ACVR2A: variants seen among roughly 807,000 people sequenced by gnomAD.
ACVR2A encodes activin receptor type-2A.
A neutral mutation model predicts 61.4 loss-of-function variants in ACVR2A; 7 were observed. That is an observed-to-expected ratio of 0.11 (90% CI 0.06 to 0.21). The LOEUF (loss-of-function observed/expected upper bound fraction) is 0.21, where lower values mean the gene tolerates loss of function less well. Ranked by LOEUF, ACVR2A falls within the 10% of genes least tolerant of loss-of-function variation. ACVR2A has a pLI of 1.00. For synonymous variants in ACVR2A, 193 were observed against 208.3 expected (o/e 0.93, Z 0.63); for missense variants, 322 against 621.7 (o/e 0.52, Z 5.13).
intron 1 of ACVR2A, among the ~76,000 whole-genome samples, chr2:147,862,894 C>T (rs1685763149): frequency 6.6e-6 from 1 of 152,140 alleles, no homozygotes. Flanking sequence ...TTATGTATAA[C>T]AATAGTATTG....
chr2:147,865,814 A>T (rs1182294419), intron 1 of ACVR2A, among the ~76,000 whole-genome samples: 2 of 152,342 alleles, frequency 1.3e-5, no homozygotes, highest in African/African-American at 4.8e-5. Flanking sequence ...AATGATTAGT[A>T]AACTAGCATT....
intron 4 of ACVR2A, among the ~76,000 whole-genome samples, chr2:147,913,704 C>T (rs551279944): frequency 6.6e-6 from 1 of 151,046 alleles, no homozygotes; most frequent in African/African-American, 2.4e-5. Context: ...CACTGAGAAT[C>T]ACACTTGAGA....
chr2:147,918,656 CT>C, intron 7 of ACVR2A, 64 bp downstream of exon 7: 1 of 1,408,990 alleles, frequency 7.1e-7, no homozygotes, highest in South Asian at 1.6e-5. Context: ...TTTTAAGCCC[CT>C]GGGTAAATTT....
At chr2:147,918,082 G>A (rs1274769629) in intron 6 of ACVR2A, among the ~76,000 whole-genome samples, 1 of 151,096 alleles carries the variant, frequency 6.6e-6, no homozygotes, top group Non-Finnish European at 1.5e-5. Flanking sequence ...TTTGTGTTCT[G>A]CTAGTCCCAT....
At chr2:147,885,511 T>G (rs1447275658) in intron 1 of ACVR2A, among the ~76,000 whole-genome samples, 3 of 152,176 alleles carry the variant, frequency 2.0e-5, no homozygotes, top group East Asian at 1.9e-4. Context: ...TTAAAAGAGA[T>G]ATGTAAGCAG....
chr2:147,849,606 A>T (rs1685399442), intron 1 of ACVR2A, among the ~76,000 whole-genome samples: 2 of 152,340 alleles, frequency 1.3e-5, no homozygotes, highest in Non-Finnish European at 2.9e-5. Context: ...AATTAATAAA[A>T]TGCTTACCTT....
At position 147,917,436 on chromosome 2, in the gene ACVR2A, C is replaced by G; in HGVS notation, c.816+10C>G. The G allele has an allele frequency of 1.2e-6, 2 of 1,610,244 alleles. No homozygotes were observed. Among genetic ancestry groups the G allele is most frequent in the South Asian group, 2.2e-5 (2 of 90,524 alleles). ...AGCATTTCATGAAAAGGTAAAACTA[C>G]TTAACGTTTTACTTTAGTAAAGTCT... On this transcript the variant is annotated intron_variant, in intron 6 of 10. Transcript: ENST00000241416.
intron 5 of ACVR2A, among the ~76,000 whole-genome samples, chr2:147,916,994 C>T (rs541957004): frequency 6.6e-5 from 10 of 151,988 alleles, no homozygotes; most frequent in East Asian, 1.9e-4. Flanking sequence ...CAGTAACTTA[C>T]GTGTTGCCAT....
In ACVR2A at chr2:147,922,892, G is replaced by A. The variant is rs1216603792; in HGVS notation, c.1078-81G>A. 11 of 1,476,518 alleles carry A rather than the reference G, an allele frequency of 7.4e-6. No individual in the cohort carries two copies. The East Asian group carries it at 9.1e-5, about 12-fold the overall frequency. 91.5% of individuals were successfully genotyped at this position (1,476,518 alleles called of 1,614,324 possible). A position where few individuals can be genotyped will look rare whatever the true frequency, so the allele number is the denominator to read the frequency against. On this transcript the variant is annotated intron_variant, in intron 8 of 10. Coordinates refer to ENST00000241416, the MANE Select transcript of ACVR2A (RefSeq NM_001616.5). ...TTACCCTGGTAATAGACCACATTTG[G>A]TTTTGATTCATCTTACAAAATCATA...
At chr2:147,844,864 C>T (rs1357496306), upstream of ACVR2A, 3 of 346,516 alleles carry the variant, frequency 8.7e-6, no homozygotes, top group Non-Finnish European at 1.5e-5. Flanking sequence ...TGATTTAAAC[C>T]CGCTTTTGTT....
intron 7 of ACVR2A, 52 bp from the exon 8 acceptor site, chr2:147,920,178 T>A: frequency 7.9e-7 from 1 of 1,267,260 alleles, no homozygotes; most frequent in Non-Finnish European, 1.1e-6. Context: ...AATAAAAAAT[T>A]TAAAAAGGTA....
At chr2:147,878,287 A>G (rs1330262635) in intron 1 of ACVR2A, among the ~76,000 whole-genome samples, 1 of 152,062 alleles carries the variant, frequency 6.6e-6, no homozygotes, top group Non-Finnish European at 1.5e-5. Context: ...AAACAAAAAC[A>G]TGTGTGTGAA....
At chr2:147,873,517 C>T (rs565750755) in intron 1 of ACVR2A, among the ~76,000 whole-genome samples, 3 of 151,844 alleles carry the variant, frequency 2.0e-5, no homozygotes, top group Non-Finnish European at 4.4e-5. Flanking sequence ...CTGTATTGGA[C>T]AGCTAAAGTC....
At chr2:147,896,745 C>A in intron 2 of ACVR2A, 1 of 373,256 alleles carries the variant, frequency 2.7e-6, no homozygotes, top group Non-Finnish European at 4.8e-6. Flanking sequence ...GTAGTGAGAA[C>A]TCTGAAATAA....
intron 1 of ACVR2A, among the ~76,000 whole-genome samples, chr2:147,864,347 A>T (rs974191844): frequency 1.3e-5 from 2 of 152,062 alleles, no homozygotes; most frequent in African/African-American, 4.8e-5. Flanking sequence ...CTCCTGCCTC[A>T]GCCTCCTAAG....
chr2:147,899,483 A>G lies in ACVR2A; in HGVS notation c.289A>G (p.Ser97Gly), dbSNP rs756733502. ...DRTDCVEKKD[S>G]PEVYFCCCEG... The stretch of plus-strand genomic sequence containing the variant: ...GACTGATTGTGTAGAAAAAAAAGAC[A>G]GCCCTGAAGTATATTTTTGTTGCTG... Residue 97 changes from serine (S) to glycine (G), a missense_variant, in exon 3 of 11, where the codon AGC becomes GGC. Ser to Gly is a moderately conservative substitution (Grantham distance 56, BLOSUM62 0). Coordinates refer to ENST00000241416, the MANE Select transcript of ACVR2A (RefSeq NM_001616.5). 6.2e-7 allele frequency: 1 copy of G among 1,611,146 alleles called. No homozygotes were observed. The highest frequency in any genetic ancestry group is 1.1e-5 in the South Asian group (1 of 90,224).
chr2:147,844,984 T>C, upstream of ACVR2A: 1 of 400,394 alleles, frequency 2.5e-6, no homozygotes, highest in Non-Finnish European at 4.4e-6. Context: ...TCTTTTTTTT[T>C]TTTAACCCAG....
intron 2 of ACVR2A, 195 bp from the exon 3 acceptor site, chr2:147,899,263 A>G (rs1686816840): frequency 2.5e-6 from 1 of 406,490 alleles, no homozygotes; most frequent in African/African-American, 2.1e-5. Context: ...TCAGTTGTTA[A>G]TTTTTTTTTC....
intron 1 of ACVR2A, among the ~76,000 whole-genome samples, chr2:147,870,411 A>G (rs1395905622): frequency 2.0e-5 from 3 of 152,154 alleles, no homozygotes; most frequent in Non-Finnish European, 2.9e-5. Context: ...CCTTGCCACA[A>G]TGCTGAATTT....
Sources: allele counts gnomAD v4.1 joint callset (sites outside exome capture counted in the v4.1 genomes callset), GRCh38; gene constraint gnomAD v4.1.1; transcripts MANE v1.5; gene names NCBI Gene and HGNC (gene_info 2026-07-23, HGNC 2026-07-21).